AKT3: variants seen among roughly 807,000 people sequenced by gnomAD.
AKT3 encodes the protein RAC-gamma serine/threonine-protein kinase.
Under a neutral mutation model 65.3 loss-of-function variants are expected in AKT3, and 15 were observed. That is an observed-to-expected ratio of 0.23 (90% CI 0.15 to 0.35). The LOEUF (loss-of-function observed/expected upper bound fraction) is 0.35. AKT3 is among the 10% of genes least tolerant of loss of function. The pLI is 1.00. For synonymous variants in AKT3, 206 were observed against 183.8 expected, an observed-to-expected ratio of 1.12 and a Z score of -0.98; for missense variants, 243 against 576.5, an observed-to-expected ratio of 0.42 and a Z score of 5.92.
At chr1:243,802,136 T>TC (rs1692417287) in intron 2 of AKT3, among the ~76,000 whole-genome samples, 1 of 152,200 alleles carries the variant, frequency 6.6e-6, no homozygotes, top group Non-Finnish European at 1.5e-5. Context: ...GCAGCTCATT[T>TC]CCAAATGCCT....
intron 2 of AKT3, among the ~76,000 whole-genome samples, chr1:243,719,551 A>C (rs1686743210): frequency 6.6e-6 from 1 of 152,200 alleles, no homozygotes; most frequent in Admixed American, 6.5e-5. Flanking sequence ...AGTGAAGGTA[A>C]TGCTGGCTGC....
intron 2 of AKT3, among the ~76,000 whole-genome samples, chr1:243,742,210 G>A (rs1688203140): frequency 6.6e-6 from 1 of 152,220 alleles, no homozygotes; most frequent in East Asian, 1.9e-4. Context: ...GGGCCACTAT[G>A]TCTGTGTCAT....
rs1489080147 is a variant in AKT3 at position 243,693,242 on chromosome 1, TG to T, written c.172+2348del. On this transcript the variant is annotated intron_variant, in intron 3 of 13. Coordinates refer to ENST00000673466, the MANE Select transcript of AKT3 (RefSeq NM_005465.7). ...ATATATCCCTTTGGTAGCTACAATT[TG>T]ATATATATATATATATATATATATA... 1.8e-3 allele frequency among the ~76,000 whole-genome samples: 106 copies of T among 59,972 alleles called. 6 individuals are homozygous for T. Among genetic ancestry groups the T allele is most frequent in the Non-Finnish European group, 2.6e-3 (79 of 30,530 alleles). The allele number at this position is 59,972 out of a possible 152,430, so 39.3% of individuals were successfully genotyped here.
chr1:243,793,544 T>A (rs1691762455), intron 2 of AKT3: 1 of 152,134 alleles, frequency 6.6e-6, no homozygotes. Flanking sequence ...GAGGCTGAAG[T>A]GAGAGGATCT....
chr1:243,553,527 A>C (rs1403999302), intron 10 of AKT3, among the ~76,000 whole-genome samples: 2 of 152,226 alleles, frequency 1.3e-5, no homozygotes, highest in Non-Finnish European at 2.9e-5. Context: ...GGAACTATTT[A>C]AGAGACAAAG....
intron 2 of AKT3, among the ~76,000 whole-genome samples, chr1:243,755,369 C>T (rs1036769640): frequency 5.3e-5 from 8 of 151,866 alleles, no homozygotes; most frequent in East Asian, 1.9e-4. Flanking sequence ...TCGCCGTGCC[C>T]GGTCTCCTTT....
intron 5 of AKT3, among the ~76,000 whole-genome samples, chr1:243,642,601 G>T (rs191628504): frequency 6.6e-6 from 1 of 152,178 alleles, no homozygotes; most frequent in Non-Finnish European, 1.5e-5. Flanking sequence ...GAGCCACCAC[G>T]CCCAGCCACA....
At chr1:243,570,021 C>T (rs1470476957) in intron 9 of AKT3, among the ~76,000 whole-genome samples, 1 of 152,166 alleles carries the variant, frequency 6.6e-6, no homozygotes, top group Non-Finnish European at 1.5e-5. Context: ...AATAAAACTT[C>T]ATTACATGAT....
At chr1:243,490,458 A>T (rs923107428) in intron 13 of AKT3, among the ~76,000 whole-genome samples, 6 of 152,230 alleles carry the variant, frequency 3.9e-5, no homozygotes, top group African/African-American at 1.4e-4. Context: ...ATTCTGGACG[A>T]CACTACATTT....
At chr1:243,833,089 G>A (rs941182233) in intron 2 of AKT3, among the ~76,000 whole-genome samples, 6 of 151,916 alleles carry the variant, frequency 3.9e-5, no homozygotes, top group African/African-American at 1.2e-4. Flanking sequence ...GTGAAACCCC[G>A]TCGCTTAATG....
At chr1:243,693,182 G>A (rs1206357730) in intron 3 of AKT3, among the ~76,000 whole-genome samples, 1 of 133,802 alleles carries the variant, frequency 7.5e-6, no homozygotes, top group Non-Finnish European at 1.6e-5. Flanking sequence ...TAAATATGAA[G>A]TAATATCTTT....
At position 243,657,720 on chromosome 1, in the gene AKT3, C is replaced by T. The variant is rs570709930; in HGVS notation, c.284+7052G>A. On this transcript the variant is annotated intron_variant, in intron 4 of 13. Transcript: ENST00000673466. ...TGAGAAAGCAAAAAGCTGAGGGCTT[C>T]ATACCTCCTGACTTCAAAATGCATT... 7.2e-5 allele frequency among the ~76,000 whole-genome samples: 11 copies of T among 152,276 alleles called. No homozygotes were observed. In the South Asian group the frequency reaches 2.3e-3, roughly 32 times the overall value.
At chr1:243,726,869 T>C (rs1026837437) in intron 2 of AKT3, among the ~76,000 whole-genome samples, 1 of 152,260 alleles carries the variant, frequency 6.6e-6, no homozygotes, top group Non-Finnish European at 1.5e-5. Context: ...ACATCTGGCA[T>C]CCTTCAACAA....
At chr1:243,543,931 C>CATGAAGT (rs1672484192) in intron 12 of AKT3, among the ~76,000 whole-genome samples, 1 of 152,124 alleles carries the variant, frequency 6.6e-6, no homozygotes, top group Non-Finnish European at 1.5e-5. Context: ...ATAATACAGA[C>CATGAAGT]ATGAAGTGCT....
At chr1:243,637,861 T>C (rs1336112722) in intron 5 of AKT3, 119 bp from the exon 6 acceptor site, 3 of 610,588 alleles carry the variant, frequency 4.9e-6, no homozygotes, top group African/African-American at 1.9e-5. Flanking sequence ...TATAAGCACA[T>C]TTAAATGAAA....
intron 2 of AKT3, among the ~76,000 whole-genome samples, chr1:243,748,684 CTT>C (rs1688622904): frequency 6.6e-6 from 1 of 152,160 alleles, no homozygotes; most frequent in South Asian, 2.1e-4. Flanking sequence ...GTATTAATAA[CTT>C]GAAGTTTTCA....
rs184238128 is a variant in AKT3 at position 243,716,302 on chromosome 1, T to G, written c.47-20586A>C. On this transcript the variant is annotated intron_variant, in intron 2 of 13. Transcript: ENST00000673466. Reference sequence around the variant, plus strand: ...ACATTCTCATTTTTATTTACCTACGTTGCATCTTTTAAGAGCTCATATCTG... The same window carrying G: ...ACATTCTCATTTTTATTTACCTACGGTGCATCTTTTAAGAGCTCATATCTG... Among the ~76,000 whole-genome samples, 177 of 152,292 alleles carry G rather than the reference T, an allele frequency of 1.2e-3. 1 individual carries two copies. In the East Asian group the frequency reaches 0.014, roughly 12 times the overall value.
At chr1:243,574,925 C>T (rs1264090201) in intron 8 of AKT3, among the ~76,000 whole-genome samples, 2 of 152,026 alleles carry the variant, frequency 1.3e-5, no homozygotes, top group African/African-American at 2.4e-5. Context: ...CTCCCTAAAT[C>T]GATATAATAT....
Position 243,725,200 on chromosome 1 carries a change from G to GA in AKT3, c.47-29485dup, listed in dbSNP as rs894999022. Among the ~76,000 whole-genome samples, 636 of 135,896 alleles carry GA rather than the reference G, an allele frequency of 4.7e-3. 3 individuals carry two copies. Among genetic ancestry groups the GA allele is most frequent in the South Asian group, 0.01 (44 of 4,356 alleles). The allele number at this position is 135,896 out of a possible 152,430, so 89.2% of individuals were successfully genotyped here. ...AGACAGAGCGAGCCTTGTCTTTAAA[G>GA]AAAAAAAAAAAGAGAAAAAGAAATG... On this transcript the variant is annotated intron_variant, in intron 2 of 13. Coordinates refer to ENST00000673466, the MANE Select transcript of AKT3 (RefSeq NM_005465.7).
Sources: gnomAD v4.1 joint callset for allele counts (sites outside exome capture counted in the v4.1 genomes callset) on GRCh38, gnomAD v4.1.1 for gene constraint, MANE v1.5 for transcripts, NCBI Gene and HGNC (gene_info 2026-07-23, HGNC 2026-07-21) for gene names.